The following HSF1 variants were observed in gnomAD, a reference collection of about 807,000 sequenced individuals.
HSF1 encodes heat shock transcription factor 1.
A neutral mutation model predicts 51.7 loss-of-function variants in HSF1; 32 were observed. The ratio of observed to expected loss-of-function variants is 0.62; its 90% CI spans 0.47 to 0.83. The LOEUF (loss-of-function observed/expected upper bound fraction) is 0.83, where lower values mean the gene tolerates loss of function less well. Ranked by LOEUF, HSF1 falls within the 40% of genes least tolerant of loss-of-function variation. The pLI is 0.00. For synonymous variants in HSF1, 396 were observed against 309.7 expected (o/e 1.28, Z -2.92); for missense variants, 727 against 717.0 (o/e 1.01, Z -0.16).
In HSF1 at chr8:144,309,517, A is replaced by C. The variant is rs782277822; in HGVS notation, c.289A>C (p.Thr97Pro). 3.1e-6 allele frequency: 5 copies of C among 1,614,092 alleles called. No individual in the cohort carries two copies. Among genetic ancestry groups the C allele is most frequent in the Non-Finnish European group, 2.5e-6 (3 of 1,180,020 alleles). ...GGLVKPERDDTEFQHPCFLRG... is the reference protein window; with the variant it reads ...GGLVKPERDDPEFQHPCFLRG... ...CCTGGTCAAGCCAGAGAGAGACGAC[A>C]CGGAGTTCCAGCACCCATGCTTCCT... The change falls in exon 3 of 13, where the codon ACG becomes CCG. Residue 97 changes from threonine to proline, a missense_variant. Thr to Pro is a conservative substitution (Grantham distance 38). Coordinates refer to ENST00000528838, the MANE Select transcript of HSF1 (RefSeq NM_005526.4).
At chr8:144,299,158 G>A (rs1815686273) in intron 1 of HSF1, among the ~76,000 whole-genome samples, 1 of 152,134 alleles carries the variant, frequency 6.6e-6, no homozygotes, top group Non-Finnish European at 1.5e-5. Context: ...TTGAGAGAAG[G>A]AAGCCAGGCG....
intron 1 of HSF1, among the ~76,000 whole-genome samples, chr8:144,306,549 G>C (rs1238957873): frequency 2.0e-5 from 3 of 152,092 alleles, no homozygotes; most frequent in African/African-American, 4.8e-5. Flanking sequence ...TTCTTCTAGA[G>C]ACGGGGTTTT....
rs1817025540 is a variant in HSF1 at position 144,313,997 on chromosome 8, C to T, written c.1327C>T (p.Leu443=). Residue 443 remains leucine, a synonymous_variant, in exon 12 of 13, where the codon CTG becomes TTG. Transcript: ENST00000528838. ...DSSLASIQEL[L]SPQEPPRPPE... is the part of the protein sequence containing the mutation. ...CTCCACCCCACAGATCCAAGAGCTC[C>T]TGTCTCCCCAGGAGCCCCCCAGGCC... 2 of 1,611,396 alleles carry T rather than the reference C, an allele frequency of 1.2e-6. No homozygotes were observed. The highest frequency in any genetic ancestry group is 1.7e-4 in the Middle Eastern group (1 of 6,058).
chr8:144,308,922 A>G lies in HSF1; in HGVS notation c.134A>G (p.His45Arg), dbSNP rs1554843748. The G allele has an allele frequency of 6.2e-7, 1 of 1,614,086 alleles. No homozygotes were observed. The highest frequency in any genetic ancestry group is 2.2e-5 in the East Asian group (1 of 44,874). ...CCCTTTCAGAGCGGGAACAGCTTCCACGTGTTCGACCAGGGCCAGTTTGCC... is the reference window on the plus strand; with the variant it reads ...CCCTTTCAGAGCGGGAACAGCTTCCGCGTGTTCGACCAGGGCCAGTTTGCC... ...ICWSPSGNSF[H>R]VFDQGQFAKE... The change falls in exon 2 of 13, where the codon CAC (histidine) becomes CGC (arginine). Residue 45 changes from histidine (H) to arginine (R), a missense_variant. His to Arg is a conservative substitution (Grantham distance 29). Transcript: ENST00000528838.
At chr8:144,292,622 G>A (rs914251378) in intron 1 of HSF1, 1 of 152,242 alleles carries the variant, frequency 6.6e-6, no homozygotes, top group Non-Finnish European at 1.5e-5. Context: ...CGTGTCCGGT[G>A]AGGGGCAGAG....
Position 144,314,644 on chromosome 8 carries a change from A to G in HSF1, c.*314A>G. ...ACAACTGTCCCGTTCCCCGCTCCAC[A>G]GAGATACACAGATATATACACACAG... On this transcript the variant is annotated 3_prime_UTR_variant, in exon 13 of 13. Transcript: ENST00000528838. 2.4e-6 allele frequency: 1 copy of G among 416,652 alleles called. No homozygotes were observed. The highest frequency in any genetic ancestry group is 4.5e-6 in the Non-Finnish European group (1 of 223,642). 25.8% of individuals were successfully genotyped at this position (416,652 alleles called of 1,614,324 possible).
rs1237544759 is a variant in HSF1 at position 144,314,111 on chromosome 8, C to A, written c.1385-14C>A. 5 of 1,542,896 alleles carry A rather than the reference C, an allele frequency of 3.2e-6. No individual in the cohort carries two copies. The highest frequency in any genetic ancestry group is 4.4e-6 in the Non-Finnish European group (5 of 1,143,060). Reference sequence around the variant, plus strand: ...CCCCAACCCCCCACCGCCTTGACACCCCCACCCCCGCAGGGAAGCAGCTGG... The same window carrying A: ...CCCCAACCCCCCACCGCCTTGACACACCCACCCCCGCAGGGAAGCAGCTGG... On this transcript the variant is annotated splice_polypyrimidine_tract_variant and intron_variant, in intron 12 of 12. Transcript: ENST00000528838.
chr8:144,308,048 G>A (rs781934491), intron 1 of HSF1, among the ~76,000 whole-genome samples: 6 of 152,280 alleles, frequency 3.9e-5, no homozygotes, highest in African/African-American at 9.6e-5. Context: ...GCCACACCAC[G>A]GGGGTCTTTC....
At chr8:144,298,456 A>AG (rs1564612485) in intron 1 of HSF1, among the ~76,000 whole-genome samples, 1 of 151,066 alleles carries the variant, frequency 6.6e-6, no homozygotes, top group Non-Finnish European at 1.5e-5. Context: ...AAAAAAAAAA[A>AG]TAGCCAGGCG....
At chr8:144,299,662 C>T (rs1554841914) in intron 1 of HSF1, among the ~76,000 whole-genome samples, 2 of 152,148 alleles carry the variant, frequency 1.3e-5, no homozygotes, top group Admixed American at 1.3e-4. Context: ...GTAATCCCAG[C>T]ACTCTGGGAG....
In HSF1 at chr8:144,312,102, A is replaced by G; in HGVS notation, c.1000A>G (p.Ile334Val). Residue 334 changes from isoleucine to valine, a missense_variant, in exon 9 of 13, where the codon ATC becomes GTC. This residue lies in a region of HSF1 where 470 missense variants were observed against 398.8 expected (regional missense o/e 1.18). Coordinates refer to ENST00000528838, the MANE Select transcript of HSF1 (RefSeq NM_005526.4). ...LLSPTALIDS[I>V]LRESEPAPAS... ...GTCCCCGACCGCCCTCATTGACTCC[A>G]TCCTGCGGGAGAGTGAACCTGCCCC... 6.2e-7 allele frequency: 1 copy of G among 1,611,826 alleles called. No homozygotes were observed. The highest frequency in any genetic ancestry group is 8.5e-7 in the Non-Finnish European group (1 of 1,179,646).
At chr8:144,304,660 T>G (rs1306968663) in intron 1 of HSF1, among the ~76,000 whole-genome samples, 1 of 152,164 alleles carries the variant, frequency 6.6e-6, no homozygotes, top group Non-Finnish European at 1.5e-5. Context: ...GTTTCTGTTT[T>G]TTTGGAGATG....
At chr8:144,308,627 G>A (rs147690750) in intron 1 of HSF1, among the ~76,000 whole-genome samples, 93 of 152,312 alleles carry the variant, frequency 6.1e-4, no homozygotes, top group African/African-American at 2.2e-3. Flanking sequence ...CCCTGGGGAG[G>A]GGCTTTCCGA....
At chr8:144,308,180 C>G (rs1194257771) in intron 1 of HSF1, among the ~76,000 whole-genome samples, 2 of 152,212 alleles carry the variant, frequency 1.3e-5, no homozygotes, top group South Asian at 2.1e-4. Flanking sequence ...CCCCTCACCC[C>G]TCTCTGGCCC....
intron 1 of HSF1, among the ~76,000 whole-genome samples, chr8:144,306,149 A>C (rs1816216687): frequency 6.6e-6 from 1 of 152,122 alleles, no homozygotes; most frequent in South Asian, 2.1e-4. Flanking sequence ...TCATTCTCAT[A>C]CTTTAGTTCT....
intron 9 of HSF1, 26 bp downstream of exon 9, chr8:144,312,270 A>T (rs781968019): frequency 1.1e-5 from 12 of 1,140,576 alleles, no homozygotes; most frequent in Non-Finnish European, 1.0e-5. Context: ...CCCTGGCCCC[A>T]CCCACAGCGC....
rs1318076362 is a variant in HSF1 at position 144,303,167 on chromosome 8, A to AT, written c.118-5732dup. 2.6e-5 allele frequency among the ~76,000 whole-genome samples: 4 copies of AT among 151,834 alleles called. 1 individual carries two copies. The highest frequency in any genetic ancestry group is 5.9e-5 in the Non-Finnish European group (4 of 68,008). ...CCTTTATGATTTCGTCTCTTCTATC[A>AT]TTTTTTTGGTATAGATGGGGGTCTC... On this transcript the variant is annotated intron_variant, in intron 1 of 12. Transcript: ENST00000528838.
At chr8:144,296,978 G>C (rs547677370) in intron 1 of HSF1, among the ~76,000 whole-genome samples, 12 of 152,230 alleles carry the variant, frequency 7.9e-5, no homozygotes, top group African/African-American at 2.6e-4. Flanking sequence ...CTGAGCTGCA[G>C]TGGCCTCCTG....
At chr8:144,292,422 C>T (rs1250253837) in intron 1 of HSF1, 1 of 152,280 alleles carries the variant, frequency 6.6e-6, no homozygotes, top group South Asian at 2.1e-4. Flanking sequence ...TCTGGGTTTC[C>T]CAAGAGGAGT....
Sources: allele counts gnomAD v4.1 joint callset (sites outside exome capture counted in the v4.1 genomes callset), GRCh38; gene constraint gnomAD v4.1.1; regional missense constraint gnomAD v4.1.1; transcripts MANE v1.5; gene names NCBI Gene and HGNC (gene_info 2026-07-23, HGNC 2026-07-21).